CSPP1: variants seen among roughly 807,000 people sequenced by gnomAD.
The protein encoded by CSPP1 is centrosome and spindle pole-associated protein 1.
Under a neutral mutation model 164.4 loss-of-function variants are expected in CSPP1, and 126 were observed. The ratio of observed to expected loss-of-function variants is 0.77; its 90% CI spans 0.66 to 0.89. The LOEUF is 0.89. CSPP1 is among the 40% of genes least tolerant of loss of function. The pLI is 0.00. For synonymous variants in CSPP1, 472 were observed against 476.7 expected (o/e 0.99, Z 0.13); for missense variants, 1,395 against 1,449.8 (o/e 0.96, Z 0.61).
intron 9 of CSPP1, among the ~76,000 whole-genome samples, chr8:67,107,628 C>G (rs16933160): frequency 6.6e-6 from 1 of 151,966 alleles, no homozygotes; most frequent in East Asian, 1.9e-4. Flanking sequence ...AGGAAACTTA[C>G]GATTTCCAGA....
chr8:67,152,484 A>G (rs1310025738), intron 18 of CSPP1, among the ~76,000 whole-genome samples: 2 of 152,200 alleles, frequency 1.3e-5, no homozygotes, highest in Non-Finnish European at 2.9e-5. Context: ...TTATCATGCC[A>G]AGATACATTT....
chr8:67,154,335 T>A (rs1263667755), intron 19 of CSPP1, among the ~76,000 whole-genome samples, 199 bp downstream of exon 19: 1 of 152,122 alleles, frequency 6.6e-6, no homozygotes, highest in Non-Finnish European at 1.5e-5. Context: ...AGTATAGTAG[T>A]TGACTTAATC....
chr8:67,131,871 T>C, intron 15 of CSPP1, 80 bp from the exon 16 acceptor site: 1 of 1,257,916 alleles, frequency 7.9e-7, no homozygotes, highest in African/African-American at 1.5e-5. Context: ...TTATATGCCA[T>C]GCTATTTCAA....
chr8:67,193,360 G>C (rs545107674), intron 29 of CSPP1, 104 bp from the exon 30 acceptor site: 41 of 996,514 alleles, frequency 4.1e-5, no homozygotes, highest in Non-Finnish European at 5.8e-5. Context: ...GCTTCCCAAA[G>C]TGCTGGGATC....
chr8:67,176,311 A>G (rs1427425550), intron 26 of CSPP1, among the ~76,000 whole-genome samples: 1 of 152,160 alleles, frequency 6.6e-6, no homozygotes, highest in African/African-American at 2.4e-5. Context: ...TTAAGACCCT[A>G]TCTTGGGAGG....
intron 13 of CSPP1, 93 bp downstream of exon 13, chr8:67,116,215 T>C: frequency 1.1e-6 from 1 of 898,220 alleles, no homozygotes; most frequent in Non-Finnish European, 1.8e-6. Context: ...GACGTTATTC[T>C]TCAGAGATTT....
At chr8:67,072,706 C>T (rs1435656780) in intron 1 of CSPP1, among the ~76,000 whole-genome samples, 3 of 151,476 alleles carry the variant, frequency 2.0e-5, no homozygotes, top group African/African-American at 7.3e-5. Context: ...AATAAACAAA[C>T]AAATGAAAAA....
intron 9 of CSPP1, among the ~76,000 whole-genome samples, chr8:67,109,883 T>C (rs1816464812): frequency 6.6e-6 from 1 of 152,146 alleles, no homozygotes; most frequent in South Asian, 2.1e-4. Context: ...TTCATCTCTG[T>C]AGGAGTTTGA....
At chr8:67,069,154 A>G (rs1806193077) in intron 1 of CSPP1, 1 of 152,208 alleles carries the variant, frequency 6.6e-6, no homozygotes, top group South Asian at 2.1e-4. Context: ...CCTTAATGCA[A>G]TGAGTAGTAC....
At chr8:67,125,879 C>T (rs1353500080) in intron 15 of CSPP1, among the ~76,000 whole-genome samples, 1 of 152,208 alleles carries the variant, frequency 6.6e-6, no homozygotes, top group East Asian at 1.9e-4. Flanking sequence ...GTTGCCCAGG[C>T]TGGAGTGCAG....
chr8:67,174,380 T>A (rs1831110222), intron 25 of CSPP1: 1 of 152,214 alleles, frequency 6.6e-6, no homozygotes, highest in African/African-American at 2.4e-5. Context: ...TTCTTTATAT[T>A]CCAGCAGTGT....
rs757266890 is a variant in CSPP1, at chr8:67,115,999, C to T, written c.1373C>T (p.Thr458Ile). 2 of 1,613,812 alleles carry T rather than the reference C, an allele frequency of 1.2e-6. No homozygotes were observed. The highest frequency in any genetic ancestry group is 1.7e-6 in the Non-Finnish European group (2 of 1,179,766). ...GAAAGACCCAGAATAGCTTTCCAGA[C>T]ACCTCTCCCTCCTTTATCTGCCCCA... ...PPERPRIAFQTPLPPLSAPSV... is the reference protein window; with the variant it reads ...PPERPRIAFQIPLPPLSAPSV... The change falls in exon 13 of 31, where the codon ACA (threonine) becomes ATA (isoleucine). Residue 458 changes from threonine to isoleucine, a missense_variant. Transcript: ENST00000678616.
chr8:67,193,231 G>A (rs368997889), intron 29 of CSPP1, among the ~76,000 whole-genome samples: 3 of 151,888 alleles, frequency 2.0e-5, no homozygotes, highest in African/African-American at 4.8e-5. Context: ...CCAAGTAGCC[G>A]GGGACTACAG....
intron 3 of CSPP1, among the ~76,000 whole-genome samples, chr8:67,085,416 C>T (rs1435518700): frequency 1.3e-5 from 2 of 149,708 alleles, no homozygotes; most frequent in East Asian, 3.9e-4. Context: ...ACACATGGCC[C>T]TAATAATTTT....
At chr8:67,158,655 TG>T in intron 20 of CSPP1, 59 bp downstream of exon 20, 1 of 1,508,946 alleles carries the variant, frequency 6.6e-7, no homozygotes, top group Non-Finnish European at 8.8e-7. Context: ...ATCTTTGACT[TG>T]AAAAGGTATT....
chr8:67,171,203 G>A (rs570074783), intron 24 of CSPP1, among the ~76,000 whole-genome samples: 7 of 150,834 alleles, frequency 4.6e-5, no homozygotes, highest in South Asian at 4.2e-4. Context: ...GATAGAGACC[G>A]TCCTGGCCAA....
At chr8:67,145,361 G>A (rs951307395) in intron 17 of CSPP1, among the ~76,000 whole-genome samples, 1 of 151,970 alleles carries the variant, frequency 6.6e-6, no homozygotes, top group Non-Finnish European at 1.5e-5. Flanking sequence ...CTGGCTGGAT[G>A]TTTATCAACT....
At chr8:67,102,244 T>C (rs1200441792) in intron 7 of CSPP1, among the ~76,000 whole-genome samples, 2 of 152,196 alleles carry the variant, frequency 1.3e-5, no homozygotes, top group East Asian at 1.9e-4. Context: ...GCAAATGTCA[T>C]GGTTTGTTAT....
At chr8:67,149,651 A>G (rs528350155) in intron 17 of CSPP1, 132 bp from the exon 18 acceptor site, 46 of 554,326 alleles carry the variant, frequency 8.3e-5, no homozygotes, top group Admixed American at 3.7e-4. Flanking sequence ...CAGGGCACCA[A>G]CATATCATTG....
Sources: allele counts gnomAD v4.1 joint callset (sites outside exome capture counted in the v4.1 genomes callset), GRCh38; gene constraint gnomAD v4.1.1; transcripts MANE v1.5; gene names NCBI Gene and HGNC (gene_info 2026-07-23, HGNC 2026-07-21).